Variants in BEND5 observed in about 807,000 individuals in gnomAD.
BEND5 encodes the protein BEN domain-containing protein 5.
BEND5 carries 22 observed loss-of-function variants against 43.9 expected under a neutral mutation model. The observed-to-expected ratio is 0.50, with a 90% CI of 0.36 to 0.72. BEND5 has a LOEUF of 0.72. Among genes scored for constraint, BEND5 ranks in the 30% least tolerant of loss-of-function variants. The probability of loss-of-function intolerance (pLI) is 0.00; values close to 1 mark genes in which losing one functional copy is unlikely to be tolerated. For missense variants in BEND5, 428 were observed against 550.6 expected (o/e 0.78, Z 2.23); for synonymous variants, 228 against 225.9 (o/e 1.01, Z -0.08).
chr1:48,756,474 T>C (rs1643931907), intron 3 of BEND5, among the ~76,000 whole-genome samples: 1 of 152,178 alleles, frequency 6.6e-6, no homozygotes, highest in African/African-American at 2.4e-5. Flanking sequence ...ACTGAATTCT[T>C]ACACTAGGCT....
intron 3 of BEND5, 70 bp downstream of exon 3, chr1:48,758,830 T>A: frequency 1.5e-6 from 2 of 1,375,920 alleles, no homozygotes; most frequent in Non-Finnish European, 9.7e-7. Context: ...CCCCTTTCCC[T>A]TCCTGGAAGA....
chr1:48,775,319 C>T (rs1245362796), intron 1 of BEND5, among the ~76,000 whole-genome samples: 1 of 152,112 alleles, frequency 6.6e-6, no homozygotes, highest in Non-Finnish European at 1.5e-5. Context: ...TTTTCAGAGG[C>T]AACATGAGTT....
intron 5 of BEND5, among the ~76,000 whole-genome samples, chr1:48,732,310 T>TA (rs537810678): frequency 2.9e-4 from 44 of 152,246 alleles, no homozygotes; most frequent in African/African-American, 8.4e-4. Flanking sequence ...GGCACTTTGA[T>TA]CATAGATCAA....
intron 3 of BEND5, among the ~76,000 whole-genome samples, chr1:48,752,342 A>G (rs990797691): frequency 2.6e-5 from 4 of 152,216 alleles, no homozygotes; most frequent in Admixed American, 2.6e-4. Flanking sequence ...TGATGTCTAA[A>G]AAAATCTAGG....
intron 3 of BEND5, among the ~76,000 whole-genome samples, chr1:48,757,895 T>C (rs1644027517): frequency 6.6e-6 from 1 of 152,210 alleles, no homozygotes; most frequent in Non-Finnish European, 1.5e-5. Context: ...TCAGGGGCTA[T>C]GGAGGCAAAG....
At chr1:48,751,121 G>T (rs1267886648) in intron 3 of BEND5, among the ~76,000 whole-genome samples, 1 of 152,162 alleles carries the variant, frequency 6.6e-6, no homozygotes, top group Admixed American at 6.5e-5. Context: ...CTATAAGATA[G>T]GGGTGAAAGG....
chr1:48,751,221 C>G (rs906746193), intron 3 of BEND5, among the ~76,000 whole-genome samples: 2 of 152,176 alleles, frequency 1.3e-5, no homozygotes, highest in Non-Finnish European at 2.9e-5. Flanking sequence ...CCTGGTAAGG[C>G]TGAAACTATG....
chr1:48,765,243 T>C (rs1337073187), intron 1 of BEND5, among the ~76,000 whole-genome samples: 1 of 152,102 alleles, frequency 6.6e-6, no homozygotes, highest in East Asian at 1.9e-4. Context: ...ATCCATACAA[T>C]AGAGACTCAT....
intron 5 of BEND5, among the ~76,000 whole-genome samples, chr1:48,734,187 T>C (rs568424363): frequency 2.0e-5 from 3 of 152,236 alleles, no homozygotes; most frequent in African/African-American, 7.2e-5. Flanking sequence ...CTAAATCAAT[T>C]AATCCGGAGT....
In BEND5 at chr1:48,758,931, G is replaced by A; in HGVS notation, c.714C>T (p.Leu238=). The change falls in exon 3 of 6, where the codon CTC becomes CTT. Residue 238 remains leucine, a synonymous_variant. Transcript: ENST00000371833. ...MKELRDLNRR[L]QDVLLLRLGS... is the part of the protein sequence containing the mutation. ...CAAGCCGCAGGAGCAGCACGTCCTG[G>A]AGCCTCCGGTTAAGGTCACGGAGCT... is the stretch of plus-strand genomic sequence containing the variant. 6.4e-7 allele frequency: 1 copy of A among 1,569,060 alleles called. No homozygotes were observed. The highest frequency in any genetic ancestry group is 8.6e-7 in the Non-Finnish European group (1 of 1,159,702).
chr1:48,769,197 G>A (rs1644681222), intron 1 of BEND5, among the ~76,000 whole-genome samples: 1 of 152,150 alleles, frequency 6.6e-6, no homozygotes, highest in Non-Finnish European at 1.5e-5. Context: ...AACAGTAGAT[G>A]AGCTAGAAGA....
intron 3 of BEND5, among the ~76,000 whole-genome samples, chr1:48,743,719 C>A (rs755616288): frequency 6.6e-6 from 1 of 152,194 alleles, no homozygotes; most frequent in Non-Finnish European, 1.5e-5. Context: ...CTTCTCTTAT[C>A]CTAGCCATGT....
In BEND5 at chr1:48,727,732, T is replaced by C. The variant is rs1398339420; in HGVS notation, c.*154A>G. 1.4e-5 allele frequency: 8 copies of C among 564,992 alleles called. No individual in the cohort carries two copies. Among genetic ancestry groups the C allele is most frequent in the Admixed American group, 3.6e-5 (1 of 27,886 alleles). The allele number at this position is 564,992 out of a possible 1,614,324, so 35.0% of individuals were successfully genotyped here. A position where few individuals can be genotyped will look rare whatever the true frequency, so the allele number is the denominator to read the frequency against. On this transcript the variant is annotated 3_prime_UTR_variant, in exon 6 of 6. Transcript: ENST00000371833. ...GCAAAGCCATCTGTCGTCTTTGGAG[T>C]GTCCACATTCAGAACAAGCCGCTGA...
chr1:48,776,566 C>T (rs1645098330), intron 1 of BEND5, 40 bp downstream of exon 1: 1 of 1,357,688 alleles, frequency 7.4e-7, no homozygotes, highest in Non-Finnish European at 9.5e-7. Flanking sequence ...GTCCCAGCCC[C>T]CGCCCGGGTC....
Position 48,776,869 on chromosome 1 carries a change from G to A in BEND5, c.-38C>T, listed in dbSNP as rs1645121527. On this transcript the variant is annotated 5_prime_UTR_variant, in exon 1 of 6. Coordinates refer to ENST00000371833, the MANE Select transcript of BEND5 (RefSeq NM_024603.4). ...GGGCGGGCCCCGGTCGGGCAGCTCA[G>A]CCCGCGGGGCGGGCGCGGAGGTGGG... The A allele has an allele frequency of 1.4e-6, 2 of 1,385,854 alleles. No homozygotes were observed. The highest frequency in any genetic ancestry group is 1.5e-5 in the African/African-American group (1 of 64,608). 85.8% of individuals were successfully genotyped at this position (1,385,854 alleles called of 1,614,324 possible).
chr1:48,735,384 TGGAG>T (rs1418202138), intron 5 of BEND5, among the ~76,000 whole-genome samples: 1 of 148,662 alleles, frequency 6.7e-6, no homozygotes, highest in Non-Finnish European at 1.5e-5. Context: ...AATGGATGGA[TGGAG>T]GGAGGGTGGG....
chr1:48,765,504 T>C (rs761450107), intron 1 of BEND5, among the ~76,000 whole-genome samples: 3 of 152,366 alleles, frequency 2.0e-5, no homozygotes, highest in Admixed American at 6.5e-5. Context: ...GAGAACATTA[T>C]GGCAGTTCCT....
Position 48,736,936 on chromosome 1 carries a change from T to A in BEND5, c.895-484A>T, listed in dbSNP as rs1403009361. 6.6e-6 allele frequency among the ~76,000 whole-genome samples: 1 copy of A among 152,138 alleles called. No homozygotes were observed. The highest frequency in any genetic ancestry group is 1.5e-5 in the Non-Finnish European group (1 of 68,028). Reference sequence around the variant, plus strand: ...CATTCTGGGACATATACCTTCCTAGTATGGTGGTTCTCAACCTTGGCTGCA... The same window carrying A: ...CATTCTGGGACATATACCTTCCTAGAATGGTGGTTCTCAACCTTGGCTGCA... On this transcript the variant is annotated intron_variant, in intron 4 of 5. Transcript: ENST00000371833. This position sits in a 1 kb window ranked among gnomAD's most constrained non-coding sequence, Gnocchi z 4.0.
intron 3 of BEND5, among the ~76,000 whole-genome samples, chr1:48,747,862 C>T (rs1465057014): frequency 6.6e-6 from 1 of 152,160 alleles, no homozygotes; most frequent in Non-Finnish European, 1.5e-5. Context: ...TGTTTGGACA[C>T]TAAATATCAT....
Sources: allele counts gnomAD v4.1 joint callset (sites outside exome capture counted in the v4.1 genomes callset), GRCh38; gene constraint gnomAD v4.1.1; non-coding constraint Gnocchi (gnomAD v3.1); transcripts MANE v1.5; gene names NCBI Gene and HGNC (gene_info 2026-07-23, HGNC 2026-07-21).